Variants in UNC13C observed in about 807,000 individuals in gnomAD.
The protein encoded by UNC13C is protein unc-13 homolog C.
A neutral mutation model predicts 245.4 loss-of-function variants in UNC13C; 174 were observed. The ratio of observed to expected loss-of-function variants is 0.71; its 90% CI spans 0.63 to 0.80. The LOEUF (loss-of-function observed/expected upper bound fraction) is 0.80. Among genes scored for constraint, UNC13C ranks in the 30% least tolerant of loss-of-function variants. UNC13C has a pLI of 0.00. For missense variants in UNC13C, 2,829 were observed against 2,602.9 expected, an observed-to-expected ratio of 1.09 and a Z score of -1.89; for synonymous variants, 992 against 895.1, an observed-to-expected ratio of 1.11 and a Z score of -1.93.
intron 10 of UNC13C, among the ~76,000 whole-genome samples, chr15:54,277,117 G>A (rs183062792): frequency 3.3e-5 from 5 of 151,968 alleles, no homozygotes; most frequent in African/African-American, 7.2e-5. Context: ...TTCTGTGCAC[G>A]ATACTCAAAC....
At chr15:54,280,102 A>G (rs1209277156) in intron 10 of UNC13C, among the ~76,000 whole-genome samples, 1 of 152,144 alleles carries the variant, frequency 6.6e-6, no homozygotes, top group Non-Finnish European at 1.5e-5. Flanking sequence ...ACTTTTAATA[A>G]TTTGACTAAC....
intron 13 of UNC13C, among the ~76,000 whole-genome samples, chr15:54,317,127 T>C (rs2038028062): frequency 6.6e-6 from 1 of 151,952 alleles, no homozygotes; most frequent in African/African-American, 2.4e-5. Context: ...CTAATCAATT[T>C]TCATAGATGA....
the UNC13C span, among the ~76,000 whole-genome samples, chr15:53,924,818 C>T: frequency 1.3e-5 from 2 of 152,194 alleles, no homozygotes; most frequent in Non-Finnish European, 2.9e-5. Flanking sequence ...ATTCTTATCA[C>T]AATCAAAATT....
intron 19 of UNC13C, among the ~76,000 whole-genome samples, chr15:54,482,688 A>G (rs1474401411): frequency 6.6e-6 from 1 of 152,080 alleles, no homozygotes; most frequent in South Asian, 2.1e-4. Context: ...CTCTGTGTGG[A>G]GGAGGCAAGT....
At chr15:53,953,632 G>C in the UNC13C span, among the ~76,000 whole-genome samples, 16,507 of 152,272 alleles carry the variant, frequency 0.11, 1,260 homozygotes, top group East Asian at 0.32. Flanking sequence ...CAATGGCTCA[G>C]AGGCAGAATG....
intron 19 of UNC13C, among the ~76,000 whole-genome samples, chr15:54,438,436 A>G (rs988272771): frequency 6.6e-6 from 1 of 151,970 alleles, no homozygotes; most frequent in Middle Eastern, 3.2e-3. Flanking sequence ...CACCAATTGT[A>G]AGCAAGCACA....
chr15:54,471,774 T>A (rs1567304546), intron 19 of UNC13C, among the ~76,000 whole-genome samples: 1 of 151,704 alleles, frequency 6.6e-6, no homozygotes, highest in East Asian at 1.9e-4. Context: ...CTGTTTGATG[T>A]AGTTCAAATT....
chr15:54,001,365 C>T (rs1421309734), intron 1 of UNC13C, among the ~76,000 whole-genome samples: 1 of 151,322 alleles, frequency 6.6e-6, no homozygotes, highest in East Asian at 1.9e-4. Flanking sequence ...TGCATTAGCT[C>T]CTGTCTGGGA....
At chr15:54,288,246 A>G (rs1267316115) in intron 10 of UNC13C, among the ~76,000 whole-genome samples, 2 of 152,124 alleles carry the variant, frequency 1.3e-5, no homozygotes, top group African/African-American at 2.4e-5. Context: ...ATGACCTGCT[A>G]CTTTCTAGAT....
At chr15:54,118,312 C>T (rs1305881241) in intron 2 of UNC13C, among the ~76,000 whole-genome samples, 2 of 151,700 alleles carry the variant, frequency 1.3e-5, no homozygotes, top group Admixed American at 1.3e-4. Flanking sequence ...TTTCTTGTGT[C>T]CTCTTCAATT....
intron 29 of UNC13C, among the ~76,000 whole-genome samples, chr15:54,564,937 T>G (rs1897445664): frequency 6.6e-6 from 1 of 152,014 alleles, no homozygotes; most frequent in Non-Finnish European, 1.5e-5. Flanking sequence ...CTTGGAGAAC[T>G]ACAAACACTT....
intron 10 of UNC13C, among the ~76,000 whole-genome samples, chr15:54,271,179 G>T (rs139582880): frequency 8.5e-4 from 130 of 152,228 alleles, no homozygotes; most frequent in Non-Finnish European, 1.4e-3. Context: ...GAGAACAGAG[G>T]CATAACCAAT....
At chr15:54,069,576 A>G (rs1327909812) in intron 2 of UNC13C, among the ~76,000 whole-genome samples, 1 of 152,168 alleles carries the variant, frequency 6.6e-6, no homozygotes, top group African/African-American at 2.4e-5. Flanking sequence ...AGTTTGTGTC[A>G]AATGTTGTTT....
chr15:54,314,130 TA>T (rs1471320804), intron 13 of UNC13C, among the ~76,000 whole-genome samples: 1 of 151,398 alleles, frequency 6.6e-6, no homozygotes, highest in Non-Finnish European at 1.5e-5. Flanking sequence ...GAATGGTGAT[TA>T]CCAGGGTCTT....
intron 8 of UNC13C, among the ~76,000 whole-genome samples, chr15:54,255,449 G>A (rs1475842609): frequency 6.6e-6 from 1 of 152,024 alleles, no homozygotes; most frequent in African/African-American, 2.4e-5. Flanking sequence ...ATAGTCTGCC[G>A]ACGTGACGAT....
the UNC13C span, among the ~76,000 whole-genome samples, chr15:53,894,103 C>T: frequency 1.6e-4 from 25 of 152,270 alleles, no homozygotes; most frequent in African/African-American, 5.5e-4. Flanking sequence ...GAAAATTCCC[C>T]GACACCTGTG....
At chr15:54,349,868 A>T (rs1227758731) in intron 17 of UNC13C, among the ~76,000 whole-genome samples, 4 of 152,370 alleles carry the variant, frequency 2.6e-5, no homozygotes, top group South Asian at 4.1e-4. Flanking sequence ...ATCATGGAAT[A>T]TTGTGGGGCA....
At chr15:53,898,787 A>G in the UNC13C span, among the ~76,000 whole-genome samples, 9 of 152,252 alleles carry the variant, frequency 5.9e-5, no homozygotes, top group Non-Finnish European at 1.2e-4. Context: ...AAAAAAATAT[A>G]AGAATACTGA....
chr15:54,620,175 A>G (rs776601936), intron 30 of UNC13C, among the ~76,000 whole-genome samples: 6 of 152,170 alleles, frequency 3.9e-5, no homozygotes, highest in African/African-American at 1.4e-4. Flanking sequence ...GAGGTTTCAG[A>G]AAAGTGTTCA....
Sources: allele counts gnomAD v4.1 joint callset (sites outside exome capture counted in the v4.1 genomes callset), GRCh38; gene constraint gnomAD v4.1.1; transcripts MANE v1.5; gene names NCBI Gene and HGNC (gene_info 2026-07-23, HGNC 2026-07-21).